PALS1: variants seen among roughly 807,000 people sequenced by gnomAD.
PALS1 encodes protein associated with LIN7 1, MAGUK p55 family member, also known as protein PALS1.
A neutral mutation model predicts 78.9 loss-of-function variants in PALS1; 31 were observed. The ratio of observed to expected loss-of-function variants is 0.39; its 90% CI spans 0.30 to 0.53. The LOEUF (loss-of-function observed/expected upper bound fraction) is 0.53. PALS1 is among the 20% of genes least tolerant of loss of function. The probability of loss-of-function intolerance (pLI) is 0.67; values close to 1 mark genes in which losing one functional copy is unlikely to be tolerated. For missense variants in PALS1, 704 were observed against 826.5 expected (o/e 0.85, Z 1.82); for synonymous variants, 276 against 270.9 (o/e 1.02, Z -0.18).
chr14:67,303,104 G>A (rs539578284), intron 7 of PALS1, among the ~76,000 whole-genome samples: 1 of 152,336 alleles, frequency 6.6e-6, no homozygotes, highest in African/African-American at 2.4e-5. Flanking sequence ...CTGAGAAGCA[G>A]TATGTAGCTA....
At chr14:67,245,243 G>A (rs2083970410) in intron 1 of PALS1, among the ~76,000 whole-genome samples, 1 of 152,190 alleles carries the variant, frequency 6.6e-6, no homozygotes, top group African/African-American at 2.4e-5. Flanking sequence ...TGGGTTTGAA[G>A]TGGCTGAACC....
chr14:67,242,786 A>G (rs757920169), intron 1 of PALS1, among the ~76,000 whole-genome samples: 20 of 152,234 alleles, frequency 1.3e-4, no homozygotes, highest in African/African-American at 4.8e-4. Context: ...ATCTTTAAAA[A>G]TCTGGTAAAT....
intron 14 of PALS1, among the ~76,000 whole-genome samples, chr14:67,327,553 G>A (rs904964295): frequency 2.5e-4 from 38 of 151,434 alleles, no homozygotes; most frequent in East Asian, 3.9e-4. Context: ...GGTTTGTTAC[G>A]TATGTATACA....
intron 14 of PALS1, among the ~76,000 whole-genome samples, chr14:67,324,724 A>G (rs1399927382): frequency 1.3e-5 from 2 of 151,852 alleles, no homozygotes; most frequent in African/African-American, 4.8e-5. Flanking sequence ...GGCTGGGACT[A>G]TAGCCATGCA....
chr14:67,292,553 C>G lies in PALS1; in HGVS notation c.410C>G (p.Thr137Ser). The change falls in exon 4 of 15, where the codon ACT becomes AGT. Residue 137 changes from threonine (T) to serine (S), a missense_variant. Physicochemically the swap from Thr to Ser is moderately conservative, Grantham distance 58. Transcript: ENST00000261681. The stretch of plus-strand genomic sequence containing the variant: ...TCTTCACTTAAACATATCCAACATA[C>G]TTTGGTAGATTCTCAGAGCCAGGAG... Reference protein sequence around the residue: ...LFSSLKHIQHTLVDSQSQEDI... With the variant: ...LFSSLKHIQHSLVDSQSQEDI... 1 of 1,613,362 alleles carries G rather than the reference C, an allele frequency of 6.2e-7. No individual in the cohort carries two copies.
intron 1 of PALS1, among the ~76,000 whole-genome samples, chr14:67,250,529 A>G (rs532824920): frequency 1.3e-5 from 2 of 152,330 alleles, no homozygotes; most frequent in African/African-American, 4.8e-5. Context: ...TATTAAACAA[A>G]AAATTCTAGT....
At chr14:67,273,400 G>C (rs1173888565) in intron 2 of PALS1, among the ~76,000 whole-genome samples, 3 of 151,682 alleles carry the variant, frequency 2.0e-5, no homozygotes, top group African/African-American at 7.3e-5. Context: ...GTGAAAATTT[G>C]CTCAGAATGA....
intron 1 of PALS1, among the ~76,000 whole-genome samples, chr14:67,248,162 C>CTTTAAAA (rs2084014548): frequency 6.6e-6 from 1 of 152,118 alleles, no homozygotes; most frequent in South Asian, 2.1e-4. Context: ...GTTTCTGGGA[C>CTTTAAAA]TAACTCTGGG....
chr14:67,254,512 G>A (rs1052489002), intron 1 of PALS1, among the ~76,000 whole-genome samples: 1 of 152,066 alleles, frequency 6.6e-6, no homozygotes. Context: ...CTCTAAACCT[G>A]TTGACATTTG....
intron 4 of PALS1, among the ~76,000 whole-genome samples, chr14:67,298,730 A>C (rs1171471384): frequency 6.6e-6 from 1 of 152,310 alleles, no homozygotes; most frequent in East Asian, 1.9e-4. Flanking sequence ...GTATTTTGAC[A>C]TATATGTACA....
chr14:67,269,645 C>G lies in PALS1; in HGVS notation c.-236-56C>G, dbSNP rs559611081. On this transcript the variant is annotated intron_variant, in intron 1 of 14. Transcript: ENST00000261681. ...AGTCTTTCTCTTCCTCCTTTACCCCCCAAAACACTGCAGACATGTACATTT... is the reference window on the plus strand; with the variant it reads ...AGTCTTTCTCTTCCTCCTTTACCCCGCAAAACACTGCAGACATGTACATTT... 8 of 152,658 alleles carry G rather than the reference C, an allele frequency of 5.2e-5. No individual in the cohort carries two copies. In the South Asian group the frequency reaches 1.7e-3, roughly 32 times the overall value. 9.5% of individuals were successfully genotyped at this position (152,658 alleles called of 1,614,324 possible). A position where few individuals can be genotyped will look rare whatever the true frequency, so the allele number is the denominator to read the frequency against.
At chr14:67,267,008 G>C (rs117011202) in intron 1 of PALS1, among the ~76,000 whole-genome samples, 2,873 of 152,046 alleles carry the variant, frequency 0.019, 37 homozygotes, top group Middle Eastern at 0.034. Context: ...TCAGGAGGCT[G>C]AAGCGGGAAG....
At chr14:67,288,294 C>G (rs1014498465) in intron 3 of PALS1, among the ~76,000 whole-genome samples, 1 of 152,130 alleles carries the variant, frequency 6.6e-6, no homozygotes, top group African/African-American at 2.4e-5. Flanking sequence ...GTTGGCCAGA[C>G]TGGTCTTGAA....
At chr14:67,269,925 G>GC (rs2084383942) in intron 2 of PALS1, 142 bp downstream of exon 2, 1 of 152,266 alleles carries the variant, frequency 6.6e-6, no homozygotes, top group African/African-American at 2.4e-5. Flanking sequence ...TGGTCAAAGG[G>GC]CATTACTTGC....
intron 4 of PALS1, chr14:67,294,680 T>C (rs1595592790): frequency 6.7e-6 from 1 of 148,588 alleles, no homozygotes; most frequent in East Asian, 1.9e-4. Flanking sequence ...TTATAGTGCT[T>C]TTTTTTTTTT....
At chr14:67,278,266 C>T (rs1718074142) in intron 2 of PALS1, among the ~76,000 whole-genome samples, 1 of 151,866 alleles carries the variant, frequency 6.6e-6, no homozygotes, top group Admixed American at 6.6e-5. Context: ...GAACTCCCGA[C>T]CTCAGGTGAT....
At chr14:67,323,917 A>G (rs1018786651) in intron 14 of PALS1, 105 bp downstream of exon 14, 11 of 633,272 alleles carry the variant, frequency 1.7e-5, no homozygotes, top group African/African-American at 3.9e-5. Context: ...GAGCTTTCAA[A>G]CTGATTATTT....
intron 1 of PALS1, among the ~76,000 whole-genome samples, chr14:67,257,598 TAAAAA>T (rs937316883): frequency 6.9e-6 from 1 of 145,592 alleles, no homozygotes; most frequent in Non-Finnish European, 1.5e-5. Context: ...AACAGATAAC[TAAAAA>T]AAAAAGAAAT....
Position 67,324,568 on chromosome 14 carries a change from T to TTTG in PALS1, c.1851+771_1851+773dup, listed in dbSNP as rs139403910. Reference sequence around the variant, plus strand: ...ACACTCCTTTCTTTTGATTGTTTTTTTTGTTGTTGTTGTTGTTTTGGTCGT... The same window carrying TTTG: ...ACACTCCTTTCTTTTGATTGTTTTTTTTGTTGTTGTTGTTGTTGTTTTGGTCGT... On this transcript the variant is annotated intron_variant, in intron 14 of 14. Transcript: ENST00000261681. Among the ~76,000 whole-genome samples, 91 of 152,168 alleles carry TTTG rather than the reference T, an allele frequency of 6.0e-4. No homozygotes were observed. The East Asian group carries it at 0.015, about 25-fold the overall frequency.
Sources: allele counts gnomAD v4.1 joint callset (sites outside exome capture counted in the v4.1 genomes callset), GRCh38; gene constraint gnomAD v4.1.1; transcripts MANE v1.5; gene names NCBI Gene and HGNC (gene_info 2026-07-23, HGNC 2026-07-21).